Variants in CYB5R4 observed in about 807,000 individuals in gnomAD.
The protein encoded by CYB5R4 is cytochrome b5 reductase 4.
CYB5R4 carries 55 observed loss-of-function variants against 70.2 expected under a neutral mutation model. The ratio of observed to expected loss-of-function variants is 0.78; its 90% CI spans 0.63 to 0.98. The LOEUF is 0.98. Among genes scored for constraint, CYB5R4 ranks in the 50% least tolerant of loss-of-function variants. CYB5R4 has a pLI of 0.00. For synonymous variants in CYB5R4, 197 were observed against 199.5 expected, an observed-to-expected ratio of 0.99 and a Z score of 0.11; for missense variants, 562 against 612.6, an observed-to-expected ratio of 0.92 and a Z score of 0.87.
intron 2 of CYB5R4, among the ~76,000 whole-genome samples, chr6:83,889,395 T>C (rs1412945436): frequency 6.6e-6 from 1 of 152,164 alleles, no homozygotes. Context: ...GAAGTCAGTG[T>C]CCATTTACCA....
intron 14 of CYB5R4, among the ~76,000 whole-genome samples, chr6:83,953,476 A>C (rs1446292347): frequency 6.6e-6 from 1 of 151,964 alleles, no homozygotes; most frequent in South Asian, 2.1e-4. Flanking sequence ...TAGAAAAAAA[A>C]CAAAAAACAA....
At chr6:83,934,912 AT>A (rs2099468683) in intron 11 of CYB5R4, among the ~76,000 whole-genome samples, 177 bp downstream of exon 11, 1 of 152,242 alleles carries the variant, frequency 6.6e-6, no homozygotes, top group Non-Finnish European at 1.5e-5. Context: ...TGTTGGAACT[AT>A]AGCTGTACCA....
intron 1 of CYB5R4, among the ~76,000 whole-genome samples, chr6:83,861,985 C>T (rs2099456022): frequency 6.6e-6 from 1 of 152,182 alleles, no homozygotes; most frequent in Admixed American, 6.5e-5. Context: ...TAGTGACTAG[C>T]TTAAGTGAAG....
intron 12 of CYB5R4, among the ~76,000 whole-genome samples, chr6:83,938,239 G>A (rs1209361296): frequency 6.6e-6 from 1 of 152,192 alleles, no homozygotes; most frequent in Non-Finnish European, 1.5e-5. Flanking sequence ...TTGTAATAAA[G>A]TAAGTGGAAA....
chr6:83,922,956 A>AT (rs1024854081), intron 9 of CYB5R4, among the ~76,000 whole-genome samples: 2 of 149,914 alleles, frequency 1.3e-5, no homozygotes, highest in Non-Finnish European at 3.0e-5. Context: ...CACCTGGCTA[A>AT]TTTTTTTTTG....
At chr6:83,926,697 A>C (rs146267911) in intron 10 of CYB5R4, among the ~76,000 whole-genome samples, 6 of 152,088 alleles carry the variant, frequency 3.9e-5, no homozygotes, top group Non-Finnish European at 8.8e-5. Flanking sequence ...TATAGCATAG[A>C]CCCAATCCAA....
intron 2 of CYB5R4, among the ~76,000 whole-genome samples, chr6:83,871,176 C>T (rs1007556068): frequency 1.2e-4 from 18 of 151,836 alleles, no homozygotes; most frequent in East Asian, 1.9e-4. Context: ...ATGGGGGTTT[C>T]ACCATGTTGG....
chr6:83,943,987 A>G (rs2099470180), intron 14 of CYB5R4, among the ~76,000 whole-genome samples: 1 of 152,218 alleles, frequency 6.6e-6, no homozygotes, highest in African/African-American at 2.4e-5. Flanking sequence ...GACAGAGAGA[A>G]TGGAACCAAG....
chr6:83,911,760 T>G (rs1252837418), intron 4 of CYB5R4, among the ~76,000 whole-genome samples: 1 of 152,014 alleles, frequency 6.6e-6, no homozygotes, highest in Non-Finnish European at 1.5e-5. Flanking sequence ...AAAGAGCGTA[T>G]CATCTGGGTA....
rs908763572 is a variant in CYB5R4, at chr6:83,892,452, C to T, written c.230-1070C>T. On this transcript the variant is annotated intron_variant, in intron 2 of 15. Transcript: ENST00000369681. ...TAAAAAAAACCAGTCGTTGTTATTG[C>T]ACTTTCGTGATGTCTTTAGGGCTAG... Among the ~76,000 whole-genome samples, 14 of 152,160 alleles carry T rather than the reference C, an allele frequency of 9.2e-5. No homozygotes were observed. In the South Asian group the frequency reaches 2.3e-3, roughly 25 times the overall value.
chr6:83,922,308 G>T, intron 8 of CYB5R4, 130 bp from the exon 9 acceptor site: 2 of 564,808 alleles, frequency 3.5e-6, no homozygotes, highest in Admixed American at 3.7e-5. Context: ...AATTGTTTTG[G>T]TCTTTCAGAA....
chr6:83,869,605 G>A (rs1432244808), intron 2 of CYB5R4, among the ~76,000 whole-genome samples: 2 of 152,164 alleles, frequency 1.3e-5, no homozygotes, highest in Non-Finnish European at 2.9e-5. Context: ...AAGGCAGGCG[G>A]ATCACCTGAG....
At chr6:83,955,553 A>G (rs2099472200) in intron 15 of CYB5R4, 91 bp downstream of exon 15, 1 of 1,200,152 alleles carries the variant, frequency 8.3e-7, no homozygotes, top group Non-Finnish European at 1.2e-6. Context: ...TGTTTATATG[A>G]AACTGCACTT....
chr6:83,933,359 G>A (rs2099468438), intron 10 of CYB5R4, among the ~76,000 whole-genome samples: 1 of 152,182 alleles, frequency 6.6e-6, no homozygotes, highest in African/African-American at 2.4e-5. Flanking sequence ...TCTGTTGGGA[G>A]CAAAAGGGAG....
At chr6:83,897,198 A>G (rs1426186851) in intron 3 of CYB5R4, among the ~76,000 whole-genome samples, 1 of 152,042 alleles carries the variant, frequency 6.6e-6, no homozygotes, top group Non-Finnish European at 1.5e-5. Flanking sequence ...GCTGAGAATG[A>G]TGGTTTCCAG....
intron 2 of CYB5R4, among the ~76,000 whole-genome samples, chr6:83,885,342 G>T (rs1048691478): frequency 3.9e-5 from 6 of 152,106 alleles, no homozygotes; most frequent in East Asian, 1.9e-4. Context: ...AAGAATTTTT[G>T]ACCTTGAGCC....
rs759585925 is a variant in CYB5R4 at position 83,924,517 on chromosome 6, A to C, written c.739A>C (p.Lys247Gln). ...AAAAATAGAGATTGTTCTACAAAAA[A>C]AAGAGAATACTTCTTGGGACTTTCT... ...VGKIEIVLQK[K>Q]ENTSWDFLGH... The change falls in exon 10 of 16, where the codon AAA (lysine) becomes CAA (glutamine). Residue 247 changes from lysine (K) to glutamine (Q), a missense_variant. Coordinates refer to ENST00000369681, the MANE Select transcript of CYB5R4 (RefSeq NM_016230.4). The C allele has an allele frequency of 1.2e-6, 2 of 1,613,826 alleles. No individual in the cohort carries two copies. Among genetic ancestry groups the C allele is most frequent in the East Asian group, 4.5e-5 (2 of 44,816 alleles).
At chr6:83,949,696 G>A (rs2099471222) in intron 14 of CYB5R4, among the ~76,000 whole-genome samples, 1 of 152,184 alleles carries the variant, frequency 6.6e-6, no homozygotes, top group Non-Finnish European at 1.5e-5. Context: ...TTTTCAGCAA[G>A]TGTGCTATGC....
intron 14 of CYB5R4, among the ~76,000 whole-genome samples, chr6:83,941,791 A>G (rs1442759482): frequency 6.6e-6 from 1 of 152,226 alleles, no homozygotes; most frequent in Non-Finnish European, 1.5e-5. Flanking sequence ...TTAGAGAATT[A>G]TTTAAAGAAG....
Sources: allele counts gnomAD v4.1 joint callset (sites outside exome capture counted in the v4.1 genomes callset), GRCh38; gene constraint gnomAD v4.1.1; transcripts MANE v1.5; gene names NCBI Gene and HGNC (gene_info 2026-07-23, HGNC 2026-07-21).